COG5: variants seen among roughly 807,000 people sequenced by gnomAD.
COG5 encodes conserved oligomeric Golgi complex subunit 5.
Under a neutral mutation model 110.4 loss-of-function variants are expected in COG5, and 86 were observed. That is an observed-to-expected ratio of 0.78 (90% CI 0.65 to 0.93). COG5 has a LOEUF of 0.93. Ranked by LOEUF, COG5 falls within the 40% of genes least tolerant of loss-of-function variation. The pLI is 0.00. For missense variants in COG5, 1,077 were observed against 987.0 expected, an observed-to-expected ratio of 1.09 and a Z score of -1.22; for synonymous variants, 360 against 334.6, an observed-to-expected ratio of 1.08 and a Z score of -0.83.
At chr7:107,356,173 T>G (rs1812610724) in intron 10 of COG5, among the ~76,000 whole-genome samples, 1 of 152,078 alleles carries the variant, frequency 6.6e-6, no homozygotes. Context: ...TGGGTAGAAA[T>G]AAAACAAGCT....
At chr7:107,382,470 T>C (rs1042235536) in intron 7 of COG5, among the ~76,000 whole-genome samples, 11 of 152,218 alleles carry the variant, frequency 7.2e-5, no homozygotes, top group African/African-American at 2.7e-4. Context: ...AGTTTCACTC[T>C]TGTTACCTAG....
intron 10 of COG5, among the ~76,000 whole-genome samples, chr7:107,331,593 C>T (rs958459339): frequency 3.9e-5 from 6 of 152,162 alleles, no homozygotes; most frequent in Admixed American, 3.3e-4. Flanking sequence ...GCAAAAGGTA[C>T]CTTTCTATGG....
intron 6 of COG5, among the ~76,000 whole-genome samples, chr7:107,441,490 C>T (rs1053614271): frequency 6.6e-6 from 1 of 152,008 alleles, no homozygotes; most frequent in African/African-American, 2.4e-5. Flanking sequence ...AAGGAGAGAG[C>T]AGAAATAAAG....
At chr7:107,489,597 GAAA>G (rs1002321155) in intron 6 of COG5, among the ~76,000 whole-genome samples, 1 of 151,876 alleles carries the variant, frequency 6.6e-6, no homozygotes, top group Non-Finnish European at 1.5e-5. Context: ...TGTTAAAAAA[GAAA>G]AAAATCTATG....
At chr7:107,267,520 A>G (rs1385891082) in intron 14 of COG5, among the ~76,000 whole-genome samples, 1 of 152,210 alleles carries the variant, frequency 6.6e-6, no homozygotes, top group African/African-American at 2.4e-5. Flanking sequence ...AGCTTTTCCC[A>G]CTTTCCAATA....
chr7:107,203,728 C>G (rs1798535388), intron 21 of COG5, 98 bp from the exon 22 acceptor site: 15 of 797,192 alleles, frequency 1.9e-5, no homozygotes, highest in Non-Finnish European at 2.8e-5. Context: ...AAGCTCATTT[C>G]TGGAACTGTT....
At chr7:107,463,951 GC>G (rs1796152120) in intron 6 of COG5, among the ~76,000 whole-genome samples, 1 of 152,014 alleles carries the variant, frequency 6.6e-6, no homozygotes, top group African/African-American at 2.4e-5. Context: ...CACCTACTGT[GC>G]TTTTTTCCCA....
chr7:107,465,859 T>C (rs1796265384), intron 6 of COG5, among the ~76,000 whole-genome samples: 1 of 152,078 alleles, frequency 6.6e-6, no homozygotes, highest in African/African-American at 2.4e-5. Flanking sequence ...CTAACTAGTA[T>C]CAATAACAGA....
chr7:107,382,469 CTT>C (rs1815206335), intron 7 of COG5, among the ~76,000 whole-genome samples: 1 of 152,148 alleles, frequency 6.6e-6, no homozygotes, highest in Admixed American at 6.5e-5. Context: ...GAGTTTCACT[CTT>C]GTTACCTAGG....
At chr7:107,255,991 CA>C (rs1175640964) in intron 16 of COG5, among the ~76,000 whole-genome samples, 1 of 152,096 alleles carries the variant, frequency 6.6e-6, no homozygotes, top group East Asian at 1.9e-4. Flanking sequence ...AGTGGGAACA[CA>C]AATACGTAAC....
chr7:107,520,450 A>G (rs891960926), intron 6 of COG5, among the ~76,000 whole-genome samples: 2 of 152,240 alleles, frequency 1.3e-5, no homozygotes, highest in African/African-American at 4.8e-5. Flanking sequence ...GTGAAGTCTC[A>G]GGATACAAAA....
At chr7:107,522,859 G>C (rs1198482423) in intron 6 of COG5, among the ~76,000 whole-genome samples, 1 of 151,938 alleles carries the variant, frequency 6.6e-6, no homozygotes, top group Admixed American at 6.6e-5. Context: ...TATATATGTG[G>C]GTCTATTTCT....
intron 12 of COG5, 62 bp downstream of exon 12, chr7:107,298,078 GAT>G (rs1321599669): frequency 1.4e-6 from 1 of 725,932 alleles, no homozygotes; most frequent in Non-Finnish European, 2.0e-6. Flanking sequence ...AAAAATAAAA[GAT>G]AAAATTTAAA....
intron 10 of COG5, among the ~76,000 whole-genome samples, chr7:107,359,634 A>T (rs1256280241): frequency 6.6e-6 from 1 of 152,094 alleles, no homozygotes; most frequent in Non-Finnish European, 1.5e-5. Context: ...AACCATGGAC[A>T]AATCAGCACA....
chr7:107,517,121 A>T (rs545018660), intron 6 of COG5, among the ~76,000 whole-genome samples: 1 of 152,340 alleles, frequency 6.6e-6, no homozygotes, highest in Admixed American at 6.5e-5. Context: ...AAAAGGTTAC[A>T]GGAGCTGCTA....
chr7:107,321,295 T>C (rs1809248998), intron 11 of COG5, among the ~76,000 whole-genome samples: 1 of 152,156 alleles, frequency 6.6e-6, no homozygotes, highest in Non-Finnish European at 1.5e-5. Context: ...CTATAAAGCA[T>C]TTATAAGAAA....
At chr7:107,414,491 TAGATA>T (rs1293740711) in intron 6 of COG5, among the ~76,000 whole-genome samples, 2 of 152,074 alleles carry the variant, frequency 1.3e-5, no homozygotes, top group Non-Finnish European at 2.9e-5. Flanking sequence ...TCTACTAGAT[TAGATA>T]AAAGGGAATT....
rs531462975 is a variant in COG5, at chr7:107,256,456, G to A, written c.1749+276C>T. ...TGCTCTACTGGAATAATACTGGGTT[G>A]TACTGCCATTAGATAAATACATGTA... On this transcript the variant is annotated intron_variant, in intron 16 of 21. Transcript: ENST00000297135. Among the ~76,000 whole-genome samples the A allele has an allele frequency of 6.6e-5, 10 of 152,216 alleles. No individual in the cohort carries two copies. The South Asian group carries it at 1.9e-3, about 28-fold the overall frequency.
intron 7 of COG5, among the ~76,000 whole-genome samples, chr7:107,410,171 A>G (rs180829210): frequency 1.4e-4 from 22 of 152,236 alleles, no homozygotes; most frequent in Admixed American, 3.3e-4. Context: ...CATCAAGGGG[A>G]ATACTTCTTG....
Sources: gnomAD v4.1 joint callset for allele counts (sites outside exome capture counted in the v4.1 genomes callset) on GRCh38, gnomAD v4.1.1 for gene constraint, MANE v1.5 for transcripts, NCBI Gene and HGNC (gene_info 2026-07-23, HGNC 2026-07-21) for gene names.